The following FLI1 variants were observed in gnomAD, a reference collection of about 807,000 sequenced individuals.
The protein encoded by FLI1 is Friend leukemia integration 1 transcription factor.
In FLI1, 13 loss-of-function variants were observed where a neutral mutation model predicts 53.1. That is an observed-to-expected ratio of 0.24 (90% confidence interval 0.16 to 0.39). The LOEUF (loss-of-function observed/expected upper bound fraction) is 0.39. FLI1 is among the 10% of genes least tolerant of loss of function. FLI1 has a pLI of 1.00. For synonymous variants in FLI1, 244 were observed against 236.7 expected, an observed-to-expected ratio of 1.03 and a Z score of -0.28; for missense variants, 424 against 600.5, an observed-to-expected ratio of 0.71 and a Z score of 3.07.
intron 1 of FLI1, among the ~76,000 whole-genome samples, chr11:128,746,516 C>T (rs1940396499): frequency 6.6e-6 from 1 of 152,196 alleles, no homozygotes; most frequent in African/African-American, 2.4e-5. Context: ...ACGCAGAGTC[C>T]TCTCTTGTCC....
chr11:128,770,928 C>T (rs749983832), intron 3 of FLI1, among the ~76,000 whole-genome samples: 105 of 152,310 alleles, frequency 6.9e-4, no homozygotes, highest in Non-Finnish European at 1.3e-3. Context: ...CGCTTTCTGG[C>T]TTCAGAGCAG....
At chr11:128,690,053 G>C (rs1422783203), upstream of FLI1, among the ~76,000 whole-genome samples, 1 of 152,224 alleles carries the variant, frequency 6.6e-6, no homozygotes, top group Non-Finnish European at 1.5e-5. Flanking sequence ...AATATTCCCC[G>C]GCATTCAAGC....
At chr11:128,787,040 G>T (rs1158839769) in intron 5 of FLI1, among the ~76,000 whole-genome samples, 2 of 152,188 alleles carry the variant, frequency 1.3e-5, no homozygotes, top group Non-Finnish European at 2.9e-5. Flanking sequence ...CTGTCGGCTT[G>T]CATGCTAAGT....
chr11:128,796,053 C>G (rs1451252136), intron 5 of FLI1, among the ~76,000 whole-genome samples: 1 of 152,174 alleles, frequency 6.6e-6, no homozygotes, highest in Non-Finnish European at 1.5e-5. Context: ...CCACACAGCT[C>G]ATAACTGACA....
intron 1 of FLI1, among the ~76,000 whole-genome samples, chr11:128,737,315 C>T (rs560851266): frequency 3.9e-5 from 6 of 152,254 alleles, no homozygotes; most frequent in South Asian, 4.1e-4. Context: ...AAAAGACAAA[C>T]GCTGAAGCAG....
chr11:128,754,776 G>A (rs187530440), intron 1 of FLI1, among the ~76,000 whole-genome samples: 12 of 152,246 alleles, frequency 7.9e-5, no homozygotes, highest in African/African-American at 2.9e-4. Context: ...TCAGTGGGTC[G>A]TCAGGGAGGG....
intron 5 of FLI1, among the ~76,000 whole-genome samples, chr11:128,789,199 A>T (rs1942191052): frequency 6.6e-6 from 1 of 152,138 alleles, no homozygotes; most frequent in African/African-American, 2.4e-5. Context: ...GGTTTTGGAG[A>T]CAGGAGCCCA....
intron 1 of FLI1, among the ~76,000 whole-genome samples, chr11:128,746,664 C>A (rs1041607159): frequency 2.6e-5 from 4 of 152,202 alleles, no homozygotes; most frequent in Admixed American, 2.6e-4. Flanking sequence ...TCCCAGGCTA[C>A]TATTTCAACC....
chr11:128,771,019 A>T (rs1317121866), intron 3 of FLI1, among the ~76,000 whole-genome samples: 1 of 152,252 alleles, frequency 6.6e-6, no homozygotes, highest in Non-Finnish European at 1.5e-5. Context: ...AGCTTAGTGA[A>T]GTCCTATAAT....
At chr11:128,700,110 A>G (rs925847036) in intron 1 of FLI1, among the ~76,000 whole-genome samples, 17 of 152,216 alleles carry the variant, frequency 1.1e-4, no homozygotes, top group Non-Finnish European at 2.4e-4. Flanking sequence ...GAGACAGACA[A>G]AGACCTCATG....
chr11:128,776,171 C>T (rs1181085072), intron 4 of FLI1, among the ~76,000 whole-genome samples: 1 of 152,158 alleles, frequency 6.6e-6, no homozygotes, highest in Non-Finnish European at 1.5e-5. Context: ...TTCCCTGTGC[C>T]CCTACAGACC....
chr11:128,775,717 G>T (rs1478342615), intron 4 of FLI1, among the ~76,000 whole-genome samples: 1 of 152,214 alleles, frequency 6.6e-6, no homozygotes, highest in Admixed American at 6.5e-5. Flanking sequence ...CAGTGCTTGT[G>T]GAGAGTTTGA....
intron 1 of FLI1, among the ~76,000 whole-genome samples, chr11:128,751,078 T>A (rs1266731688): frequency 6.6e-6 from 1 of 152,194 alleles, no homozygotes; most frequent in African/African-American, 2.4e-5. Context: ...GGCAGAGGAC[T>A]GAGCCTGCAA....
Position 128,772,859 on chromosome 11 carries a change from G to A in FLI1, c.463G>A (p.Asp155Asn), listed in dbSNP as rs566872436. The stretch of plus-strand genomic sequence containing the variant: ...AAAGGAGTACAGCTTGATGGAGATC[G>A]ACACATCCTTTTTCCAGAACATGGA... The part of the protein sequence containing the change: ...AIKEYSLMEI[D>N]TSFFQNMDGK... Residue 155 changes from aspartate to asparagine, a missense_variant, in exon 4 of 9, where the codon GAC (aspartate) becomes AAC (asparagine). By Grantham distance (23) the Asp-to-Asn change is conservative. Around this residue, in one of 5 missense-constraint regions of FLI1, gnomAD observed 114 missense variants for 117.9 expected, o/e 0.97. Transcript: ENST00000527786. 143 of 1,613,622 alleles carry A rather than the reference G, an allele frequency of 8.9e-5. 1 individual carries two copies. In the South Asian group the frequency reaches 9.4e-4, roughly 11 times the overall value.
chr11:128,764,686 C>A, intron 2 of FLI1: 1 of 1,539,802 alleles, frequency 6.5e-7, no homozygotes, highest in Non-Finnish European at 8.7e-7. Flanking sequence ...GCCTTTTATG[C>A]TGGGCTTCAC....
chr11:128,717,748 A>G (rs757954127), intron 1 of FLI1, among the ~76,000 whole-genome samples: 1 of 152,230 alleles, frequency 6.6e-6, no homozygotes, highest in Non-Finnish European at 1.5e-5. Flanking sequence ...TTTACAAAGC[A>G]AGTCAGTAAC....
chr11:128,775,930 T>C (rs1941715113), intron 4 of FLI1, among the ~76,000 whole-genome samples: 1 of 152,156 alleles, frequency 6.6e-6, no homozygotes, highest in Non-Finnish European at 1.5e-5. Flanking sequence ...CCTGAGACTG[T>C]GGCTGGTTGG....
intron 4 of FLI1, among the ~76,000 whole-genome samples, 157 bp downstream of exon 4, chr11:128,773,142 C>T (rs1403145114): frequency 1.3e-5 from 2 of 152,086 alleles, no homozygotes; most frequent in Non-Finnish European, 2.9e-5. Context: ...CTCCTACAGA[C>T]CCTGTGAGGG....
chr11:128,803,603 C>A (rs2135911842), intron 5 of FLI1, among the ~76,000 whole-genome samples: 1 of 152,344 alleles, frequency 6.6e-6, no homozygotes, highest in South Asian at 2.1e-4. Flanking sequence ...TGTTTCCTCA[C>A]AATCACAGTT....
Sources: gnomAD v4.1 joint callset for allele counts (sites outside exome capture counted in the v4.1 genomes callset) on GRCh38, gnomAD v4.1.1 for gene constraint, gnomAD v4.1.1 regional missense constraint, MANE v1.5 for transcripts, NCBI Gene and HGNC (gene_info 2026-07-23, HGNC 2026-07-21) for gene names.